CSMD3: variants seen among roughly 807,000 people sequenced by gnomAD.
The protein encoded by CSMD3 is CUB and sushi domain-containing protein 3.
CSMD3 carries 177 observed loss-of-function variants against 435.2 expected under a neutral mutation model. The observed-to-expected ratio is 0.41, with a 90% CI of 0.36 to 0.46. The LOEUF is 0.46. Among genes scored for constraint, CSMD3 ranks in the 20% least tolerant of loss-of-function variants. CSMD3 has a pLI of 0.34. For synonymous variants in CSMD3, 1,656 were observed against 1,520.5 expected (o/e 1.09, Z -2.07); for missense variants, 4,265 against 4,504.6 (o/e 0.95, Z 1.52).
rs372421793 is a variant in CSMD3 at position 112,991,082 on chromosome 8, G to A, written c.1031-14934C>T. ...CTGTCTGTATTCATTCACTCCATTTGTCATTTTTCTATTTTCCAATTTCAT... is the reference window on the plus strand; with the variant it reads ...CTGTCTGTATTCATTCACTCCATTTATCATTTTTCTATTTTCCAATTTCAT... On this transcript the variant is annotated intron_variant, in intron 6 of 70. Transcript: ENST00000297405. 4.6e-5 allele frequency among the ~76,000 whole-genome samples: 7 copies of A among 151,496 alleles called. No individual in the cohort carries two copies. In the South Asian group the frequency reaches 1.0e-3, roughly 22 times the overall value.
At chr8:113,348,010 T>C (rs2094163631) in intron 1 of CSMD3, among the ~76,000 whole-genome samples, 1 of 152,040 alleles carries the variant, frequency 6.6e-6, no homozygotes, top group African/African-American at 2.4e-5. Flanking sequence ...GGCTAAGAGT[T>C]CCTAGTAAAA....
intron 12 of CSMD3, among the ~76,000 whole-genome samples, chr8:112,822,194 A>G (rs968521729): frequency 5.3e-5 from 8 of 152,120 alleles, no homozygotes; most frequent in African/African-American, 1.9e-4. Flanking sequence ...AATAATGTCA[A>G]TGGTAGTTTG....
chr8:112,523,244 T>C (rs1403381139), intron 27 of CSMD3, among the ~76,000 whole-genome samples: 1 of 151,964 alleles, frequency 6.6e-6, no homozygotes, highest in Non-Finnish European at 1.5e-5. Flanking sequence ...ATCCCTTGTA[T>C]TAGTTCCCTG....
At chr8:113,110,652 C>A (rs573558113) in intron 4 of CSMD3, among the ~76,000 whole-genome samples, 93 of 152,284 alleles carry the variant, frequency 6.1e-4, no homozygotes, top group African/African-American at 2.2e-3. Flanking sequence ...TGAACCCTCA[C>A]CAAGATTGCC....
intron 1 of CSMD3, among the ~76,000 whole-genome samples, chr8:113,368,482 T>C (rs751174678): frequency 1.3e-5 from 2 of 152,152 alleles, no homozygotes; most frequent in Non-Finnish European, 2.9e-5. Flanking sequence ...GAGAACTTTC[T>C]TTTGCAGTAA....
chr8:112,941,766 T>C (rs1372714209), intron 9 of CSMD3, among the ~76,000 whole-genome samples: 3 of 151,722 alleles, frequency 2.0e-5, no homozygotes, highest in African/African-American at 7.2e-5. Context: ...CGTGTATGTC[T>C]TTATTTTTAA....
intron 13 of CSMD3, among the ~76,000 whole-genome samples, chr8:112,745,337 A>G (rs552204523): frequency 8.9e-4 from 136 of 152,238 alleles, no homozygotes; most frequent in Admixed American, 1.2e-3. Context: ...CAAACAAGAG[A>G]AAAAATAGTT....
At chr8:112,701,337 T>C (rs1030384515) in intron 13 of CSMD3, among the ~76,000 whole-genome samples, 1 of 152,128 alleles carries the variant, frequency 6.6e-6, no homozygotes. Flanking sequence ...TCATGTAATT[T>C]TTATTGCAGT....
intron 48 of CSMD3, among the ~76,000 whole-genome samples, 184 bp downstream of exon 48, chr8:112,314,245 G>C (rs987102562): frequency 1.3e-5 from 2 of 151,972 alleles, no homozygotes; most frequent in Non-Finnish European, 2.9e-5. Flanking sequence ...TGTATAATTT[G>C]TAAAATAATA....
At chr8:112,652,501 G>C (rs568414375) in intron 18 of CSMD3, among the ~76,000 whole-genome samples, 191 of 152,172 alleles carry the variant, frequency 1.3e-3, no homozygotes, top group African/African-American at 4.5e-3. Context: ...TTTGTTCATT[G>C]ACCTATAGTA....
At chr8:113,130,585 T>C (rs113398391) in intron 4 of CSMD3, among the ~76,000 whole-genome samples, 10,133 of 152,140 alleles carry the variant, frequency 0.067, 451 homozygotes, top group Non-Finnish European at 0.095. Context: ...TCTTCATAAA[T>C]TATCCAGTCT....
intron 1 of CSMD3, among the ~76,000 whole-genome samples, chr8:113,406,018 C>T (rs764469703): frequency 1.3e-5 from 2 of 151,644 alleles, no homozygotes; most frequent in Non-Finnish European, 3.0e-5. Context: ...TTGTCATCAC[C>T]TGATAAATCA....
At chr8:113,276,742 A>G (rs1447536584) in intron 3 of CSMD3, among the ~76,000 whole-genome samples, 1 of 152,062 alleles carries the variant, frequency 6.6e-6, no homozygotes, top group Non-Finnish European at 1.5e-5. Context: ...TTGAAAACTA[A>G]TATGCATTGA....
chr8:112,706,188 C>T (rs2076494814), intron 13 of CSMD3, among the ~76,000 whole-genome samples: 1 of 151,910 alleles, frequency 6.6e-6, no homozygotes, highest in Admixed American at 6.6e-5. Context: ...GATACTCTGA[C>T]CTTTCTTGTT....
chr8:113,376,763 T>C (rs754755845), intron 1 of CSMD3: 3 of 1,613,930 alleles, frequency 1.9e-6, no homozygotes, highest in South Asian at 2.2e-5. Flanking sequence ...GGTCAAGCTG[T>C]ACAGGTTTCC....
chr8:113,031,462 A>T (rs2087106676), intron 5 of CSMD3, among the ~76,000 whole-genome samples: 1 of 151,660 alleles, frequency 6.6e-6, no homozygotes, highest in African/African-American at 2.4e-5. Flanking sequence ...CTTGGAATGA[A>T]AAAATTAAAG....
intron 10 of CSMD3, among the ~76,000 whole-genome samples, chr8:112,874,492 G>A (rs991462136): frequency 6.6e-6 from 1 of 151,954 alleles, no homozygotes; most frequent in African/African-American, 2.4e-5. Context: ...ATCTAATATT[G>A]GCAGTGGAGT....
intron 45 of CSMD3, among the ~76,000 whole-genome samples, chr8:112,329,056 T>G (rs1473409838): frequency 6.6e-6 from 1 of 152,164 alleles, no homozygotes; most frequent in Non-Finnish European, 1.5e-5. Context: ...TGTAAGAACA[T>G]TTCAATATCT....
At chr8:112,950,950 T>C (rs939538584) in intron 8 of CSMD3, among the ~76,000 whole-genome samples, 3 of 151,988 alleles carry the variant, frequency 2.0e-5, no homozygotes, top group Non-Finnish European at 4.4e-5. Context: ...GATTGTCAAG[T>C]TATTTCTGTC....
Sources: gnomAD v4.1 joint callset for allele counts (sites outside exome capture counted in the v4.1 genomes callset) on GRCh38, gnomAD v4.1.1 for gene constraint, MANE v1.5 for transcripts, NCBI Gene and HGNC (gene_info 2026-07-23, HGNC 2026-07-21) for gene names.